KCTD1: variants seen among roughly 807,000 people sequenced by gnomAD.
The protein encoded by KCTD1 is potassium channel tetramerization domain containing 1.
In KCTD1, 24 loss-of-function variants were observed where a neutral mutation model predicts 66.0. That is an observed-to-expected ratio of 0.36 (90% CI 0.26 to 0.51). The LOEUF (loss-of-function observed/expected upper bound fraction) is 0.51. Ranked by LOEUF, KCTD1 falls within the 20% of genes least tolerant of loss-of-function variation. The pLI is 0.95. For missense variants in KCTD1, 943 were observed against 1,205.2 expected, an observed-to-expected ratio of 0.78 and a Z score of 3.22; for synonymous variants, 511 against 517.2, an observed-to-expected ratio of 0.99 and a Z score of 0.16.
intron 2 of KCTD1, among the ~76,000 whole-genome samples, chr18:26,483,146 G>A (rs370961097): frequency 6.6e-6 from 1 of 152,190 alleles, no homozygotes; most frequent in African/African-American, 2.4e-5. Context: ...TGCTTATGTT[G>A]TCAACTGGAA....
At chr18:26,538,595 G>A (rs1317078015) in intron 1 of KCTD1, among the ~76,000 whole-genome samples, 1 of 152,126 alleles carries the variant, frequency 6.6e-6, no homozygotes, top group Non-Finnish European at 1.5e-5. Flanking sequence ...TGAAGGCTGG[G>A]GCTAGGACTT....
At chr18:26,614,611 G>GC (rs1987210219) in intron 1 of KCTD1, among the ~76,000 whole-genome samples, 1 of 152,208 alleles carries the variant, frequency 6.6e-6, no homozygotes, top group African/African-American at 2.4e-5. Flanking sequence ...GTGGGTTTGT[G>GC]AAGATGTAGC....
intron 1 of KCTD1, among the ~76,000 whole-genome samples, chr18:26,591,880 A>G (rs1986614106): frequency 6.6e-6 from 1 of 152,252 alleles, no homozygotes; most frequent in Non-Finnish European, 1.5e-5. Context: ...ACATGGAAGC[A>G]TTTTTAAAAA....
chr18:26,560,149 A>C (rs1423491905), intron 1 of KCTD1, among the ~76,000 whole-genome samples: 1 of 136,722 alleles, frequency 7.3e-6, no homozygotes, highest in Non-Finnish European at 1.7e-5. Flanking sequence ...CAGAAAAAAA[A>C]AAAACAAAAC....
chr18:26,629,604 T>C (rs1412735178), upstream of KCTD1, among the ~76,000 whole-genome samples: 1 of 152,148 alleles, frequency 6.6e-6, no homozygotes, highest in African/African-American at 2.4e-5. Flanking sequence ...GACATTTACA[T>C]TGCAACCTCA....
At chr18:26,588,257 A>C (rs1286800818) in intron 1 of KCTD1, among the ~76,000 whole-genome samples, 1 of 146,482 alleles carries the variant, frequency 6.8e-6, no homozygotes, top group Non-Finnish European at 1.5e-5. Flanking sequence ...CCTGGGCAAC[A>C]GTGTAAGACT....
chr18:26,505,395 C>G (rs1982982070), intron 1 of KCTD1, among the ~76,000 whole-genome samples: 1 of 152,218 alleles, frequency 6.6e-6, no homozygotes, highest in Non-Finnish European at 1.5e-5. Context: ...GTGCTGAAGA[C>G]TATTTCGATT....
At chr18:26,610,951 G>T (rs182430385) in intron 1 of KCTD1, among the ~76,000 whole-genome samples, 2 of 152,100 alleles carry the variant, frequency 1.3e-5, no homozygotes, top group African/African-American at 4.8e-5. Context: ...CATGCTTCTT[G>T]TCTTTGGGGT....
intron 1 of KCTD1, among the ~76,000 whole-genome samples, chr18:26,627,301 T>C (rs886348352): frequency 7.5e-4 from 99 of 131,520 alleles, no homozygotes; most frequent in Admixed American, 1.3e-3. Context: ...TGTGTGTGTG[T>C]GCCTATAACA....
At chr18:26,598,192 G>T (rs1248220274) in intron 1 of KCTD1, among the ~76,000 whole-genome samples, 1 of 152,210 alleles carries the variant, frequency 6.6e-6, no homozygotes, top group African/African-American at 2.4e-5. Flanking sequence ...ATTTCATGTA[G>T]ATGGAATCAT....
chr18:26,544,756 T>C (rs1985132162), intron 1 of KCTD1: 2 of 152,224 alleles, frequency 1.3e-5, no homozygotes, highest in South Asian at 2.1e-4. Flanking sequence ...TACTGAGCAA[T>C]ACTTCGACTG....
intron 2 of KCTD1, among the ~76,000 whole-genome samples, chr18:26,483,011 T>A (rs1039065770): frequency 6.6e-6 from 1 of 152,246 alleles, no homozygotes; most frequent in Admixed American, 6.5e-5. Context: ...ACATATGGTT[T>A]GGACTTTAGG....
At position 26,476,818 on chromosome 18, in the gene KCTD1, T is replaced by A; in HGVS notation, c.1989-159A>T. 1 of 628,172 alleles carries A rather than the reference T, an allele frequency of 1.6e-6. No homozygotes were observed. The highest frequency in any genetic ancestry group is 2.8e-6 in the Non-Finnish European group (1 of 361,938). 38.9% of individuals were successfully genotyped at this position (628,172 alleles called of 1,614,324 possible). A position where few individuals can be genotyped will look rare whatever the true frequency, so the allele number is the denominator to read the frequency against. On this transcript the variant is annotated intron_variant, in intron 2 of 4. Coordinates refer to ENST00000580059, the MANE Select transcript of KCTD1 (RefSeq NM_001142730.3). This position sits in a 1 kb window ranked among gnomAD's most constrained non-coding sequence, Gnocchi z 4.9. ...AAAGTGTTGGTCCCCGCTTGATAAA[T>A]ATCTCAGGACGAGACCATTCAAAAT...
intron 1 of KCTD1, among the ~76,000 whole-genome samples, chr18:26,571,714 T>A (rs559735696): frequency 6.6e-6 from 1 of 152,328 alleles, no homozygotes; most frequent in East Asian, 1.9e-4. Flanking sequence ...TAGAGCCAAC[T>A]GTATATGGAT....
intron 3 of KCTD1, among the ~76,000 whole-genome samples, chr18:26,461,486 T>G (rs913186503): frequency 6.6e-6 from 1 of 152,202 alleles, no homozygotes; most frequent in Non-Finnish European, 1.5e-5. Flanking sequence ...CCAGAGGAGA[T>G]ACTGTTTTGC....
chr18:26,543,357 A>G (rs1985065038), intron 1 of KCTD1: 1 of 152,272 alleles, frequency 6.6e-6, no homozygotes, highest in Non-Finnish European at 1.5e-5. Context: ...TAAAAATTTG[A>G]TTCCATCTAT....
At chr18:26,505,901 G>A (rs1365403109) in intron 1 of KCTD1, among the ~76,000 whole-genome samples, 1 of 151,866 alleles carries the variant, frequency 6.6e-6, no homozygotes, top group Admixed American at 6.6e-5. Flanking sequence ...TTGAGACAGG[G>A]TCTCACCTCT....
At chr18:26,485,918 G>A (rs1981892563) in intron 2 of KCTD1, among the ~76,000 whole-genome samples, 2 of 151,160 alleles carry the variant, frequency 1.3e-5, no homozygotes, top group South Asian at 2.1e-4. Context: ...AAACTTTATG[G>A]ATTATCTAAT....
rs62085526 is a variant in KCTD1 at position 26,625,318 on chromosome 18, C to G, written c.-16+3829G>C. ...GGAACGATATGGTTTGACTGTGTCC[C>G]CACGCCATGTCTCATCTTGAATTGT... On this transcript the variant is annotated intron_variant, in intron 1 of 4. Transcript: ENST00000317932. Among the ~76,000 whole-genome samples, 675 of 152,212 alleles carry G rather than the reference C, an allele frequency of 4.4e-3. 1 individual carries two copies. Among genetic ancestry groups the G allele is most frequent in the Non-Finnish European group, 7.5e-3 (508 of 68,012 alleles).
Sources: gnomAD v4.1 joint callset for allele counts (sites outside exome capture counted in the v4.1 genomes callset) on GRCh38, gnomAD v4.1.1 for gene constraint, Gnocchi (gnomAD v3.1) non-coding constraint, MANE v1.5 for transcripts, NCBI Gene and HGNC (gene_info 2026-07-23, HGNC 2026-07-21) for gene names.